Variants in AKAP6 observed in about 807,000 individuals in gnomAD.
The protein encoded by AKAP6 is A-kinase anchor protein 6.
Under a neutral mutation model 188.5 loss-of-function variants are expected in AKAP6, and 58 were observed. That is an observed-to-expected ratio of 0.31 (90% CI 0.25 to 0.38). AKAP6 has a LOEUF of 0.38. Among genes scored for constraint, AKAP6 ranks in the 10% least tolerant of loss-of-function variants. AKAP6 has a pLI of 1.00. For missense variants in AKAP6, 2,710 were observed against 2,740.0 expected (o/e 0.99, Z 0.24); for synonymous variants, 989 against 998.6 (o/e 0.99, Z 0.18).
chr14:32,693,774 C>G (rs577789193), intron 8 of AKAP6: 1 of 152,198 alleles, frequency 6.6e-6, no homozygotes, highest in Admixed American at 6.5e-5. Flanking sequence ...AGATACTCTT[C>G]TAATTTTGTG....
intron 2 of AKAP6, among the ~76,000 whole-genome samples, chr14:32,529,959 G>C (rs373987288): frequency 1.8e-5 from 2 of 114,188 alleles, no homozygotes; most frequent in East Asian, 2.7e-4. Flanking sequence ...TATGGGTAAA[G>C]AAACTTTTTT....
At chr14:32,649,504 A>G (rs1022823198) in intron 7 of AKAP6, among the ~76,000 whole-genome samples, 2 of 152,136 alleles carry the variant, frequency 1.3e-5, no homozygotes, top group East Asian at 3.8e-4. Flanking sequence ...ATTTCTTTAT[A>G]TTTCTAAGGC....
intron 4 of AKAP6, among the ~76,000 whole-genome samples, chr14:32,562,270 C>T (rs1347946396): frequency 6.6e-6 from 1 of 151,992 alleles, no homozygotes; most frequent in African/African-American, 2.4e-5. Flanking sequence ...TTGGATTTGT[C>T]TAGAGACTAG....
chr14:32,589,376 C>G (rs1271214969), intron 5 of AKAP6, among the ~76,000 whole-genome samples: 1 of 152,142 alleles, frequency 6.6e-6, no homozygotes, highest in Non-Finnish European at 1.5e-5. Flanking sequence ...AAATCCTGGC[C>G]TTGAGTTTCT....
chr14:32,736,559 CCATA>C (rs2031436067), intron 11 of AKAP6, among the ~76,000 whole-genome samples: 1 of 152,124 alleles, frequency 6.6e-6, no homozygotes. Flanking sequence ...TTGAATCTTT[CCATA>C]AATGCAGTCA....
At chr14:32,784,543 C>T (rs1261837464) in intron 12 of AKAP6, among the ~76,000 whole-genome samples, 1 of 152,088 alleles carries the variant, frequency 6.6e-6, no homozygotes, top group Non-Finnish European at 1.5e-5. Flanking sequence ...GTCTAACTTA[C>T]TGTTGGAGAT....
At chr14:32,649,559 A>G (rs1888124217) in intron 7 of AKAP6, among the ~76,000 whole-genome samples, 1 of 152,120 alleles carries the variant, frequency 6.6e-6, no homozygotes. Context: ...TTTTGTTGTT[A>G]TTTTGTGTTT....
At chr14:32,494,413 T>G (rs1169555269) in intron 2 of AKAP6, 1 of 152,212 alleles carries the variant, frequency 6.6e-6, no homozygotes, top group African/African-American at 2.4e-5. Context: ...ACTGTTTATT[T>G]TTTTGCTAAT....
At chr14:32,591,079 C>T (rs879878637) in intron 5 of AKAP6, among the ~76,000 whole-genome samples, 1 of 152,104 alleles carries the variant, frequency 6.6e-6, no homozygotes, top group African/African-American at 2.4e-5. Flanking sequence ...AGCAGCTGTA[C>T]GTGTGAATAA....
chr14:32,556,516 C>A (rs1883695041), intron 4 of AKAP6, among the ~76,000 whole-genome samples: 2 of 151,856 alleles, frequency 1.3e-5, no homozygotes, highest in African/African-American at 4.8e-5. Context: ...CTAATTTTTG[C>A]ATTTTTTGTA....
At chr14:32,597,302 A>T (rs1279548080) in intron 5 of AKAP6, among the ~76,000 whole-genome samples, 1 of 152,194 alleles carries the variant, frequency 6.6e-6, no homozygotes, top group Non-Finnish European at 1.5e-5. Context: ...TATTGTAAGT[A>T]AACAGTGAAT....
chr14:32,337,704 T>A (rs952051292), intron 1 of AKAP6, among the ~76,000 whole-genome samples: 2 of 151,968 alleles, frequency 1.3e-5, no homozygotes, highest in Non-Finnish European at 2.9e-5. Flanking sequence ...GTATATCTCC[T>A]AATGCTATCC....
chr14:32,587,838 G>A (rs1205406516), intron 5 of AKAP6, among the ~76,000 whole-genome samples: 2 of 152,090 alleles, frequency 1.3e-5, no homozygotes, highest in African/African-American at 4.8e-5. Flanking sequence ...TATGGAGCAG[G>A]ACCAAGACCC....
intron 1 of AKAP6, among the ~76,000 whole-genome samples, chr14:32,357,797 C>A (rs1887530796): frequency 6.6e-6 from 1 of 152,182 alleles, no homozygotes; most frequent in African/African-American, 2.4e-5. Context: ...ATTTGCAAAT[C>A]TGTGGTATCT....
At chr14:32,686,972 G>T (rs1555352424) in intron 8 of AKAP6, among the ~76,000 whole-genome samples, 1 of 152,080 alleles carries the variant, frequency 6.6e-6, no homozygotes, top group African/African-American at 2.4e-5. Context: ...CCCTCATCAC[G>T]CAAGGCTTTA....
intron 2 of AKAP6, among the ~76,000 whole-genome samples, chr14:32,480,412 A>G (rs1460255085): frequency 6.6e-6 from 1 of 152,184 alleles, no homozygotes; most frequent in African/African-American, 2.4e-5. Context: ...ATAGTACAGT[A>G]TGCAGGATCC....
intron 3 of AKAP6, among the ~76,000 whole-genome samples, chr14:32,540,170 A>C (rs55776901): frequency 0.23 from 16,044 of 69,194 alleles, 1,471 homozygotes; most frequent in Non-Finnish European, 0.3. Flanking sequence ...CTCTCTCTCT[A>C]TATATATATA....
intron 1 of AKAP6, among the ~76,000 whole-genome samples, chr14:32,417,560 T>A (rs908575049): frequency 1.2e-4 from 19 of 152,152 alleles, no homozygotes; most frequent in African/African-American, 4.3e-4. Context: ...CAAAAAATGT[T>A]GACTTGCTTG....
intron 9 of AKAP6, among the ~76,000 whole-genome samples, chr14:32,700,972 C>T (rs1277618245): frequency 6.6e-6 from 1 of 152,138 alleles, no homozygotes; most frequent in African/African-American, 2.4e-5. Flanking sequence ...GTATCCAATT[C>T]AACTGAGATC....
Sources: gnomAD v4.1 joint callset for allele counts (sites outside exome capture counted in the v4.1 genomes callset) on GRCh38, gnomAD v4.1.1 for gene constraint, MANE v1.5 for transcripts, NCBI Gene and HGNC (gene_info 2026-07-23, HGNC 2026-07-21) for gene names.